TOP1MT: variants seen among roughly 807,000 people sequenced by gnomAD.
TOP1MT encodes the protein DNA topoisomerase I mitochondrial, also known as DNA topoisomerase I, mitochondrial.
In TOP1MT, 80 loss-of-function variants were observed where a neutral mutation model predicts 73.9. The observed-to-expected ratio is 1.08, with a 90% confidence interval of 0.90 to 1.30. TOP1MT has a LOEUF of 1.30. TOP1MT is among the 50% of genes most tolerant of loss of function. TOP1MT has a pLI of 0.00. For synonymous variants in TOP1MT, 338 were observed against 326.4 expected (o/e 1.04, Z -0.38); for missense variants, 815 against 808.0 (o/e 1.01, Z -0.10).
intron 2 of TOP1MT, among the ~76,000 whole-genome samples, chr8:143,340,461 T>C (rs1402897032): frequency 6.6e-6 from 1 of 152,146 alleles, no homozygotes; most frequent in Non-Finnish European, 1.5e-5. Context: ...GTGGCTTAGC[T>C]GCCTCCTGGC....
At chr8:143,332,587 A>T (rs1263323797) in intron 1 of TOP1MT, 1 of 1,288,706 alleles carries the variant, frequency 7.8e-7, no homozygotes, top group Non-Finnish European at 1.0e-6. Flanking sequence ...GAGCAACAGG[A>T]AGTCTCTGAA....
intron 1 of TOP1MT, among the ~76,000 whole-genome samples, chr8:143,353,963 C>CAAA (rs1186472770): frequency 0.015 from 713 of 47,596 alleles, 213 homozygotes; most frequent in African/African-American, 0.067. Context: ...GACTCCATCC[C>CAAA]AAAAAAAAAA....
intron 1 of TOP1MT, among the ~76,000 whole-genome samples, chr8:143,333,583 G>A (rs1816915433): frequency 6.6e-6 from 1 of 152,232 alleles, no homozygotes; most frequent in Non-Finnish European, 1.5e-5. Flanking sequence ...CAACCTGCCG[G>A]CCAGCGGCCA....
At chr8:143,325,056 A>C (rs1230884519) in intron 5 of TOP1MT, among the ~76,000 whole-genome samples, 1 of 152,160 alleles carries the variant, frequency 6.6e-6, no homozygotes, top group Non-Finnish European at 1.5e-5. Context: ...AAAACACCTA[A>C]TGCTACTGGG....
intron 12 of TOP1MT, among the ~76,000 whole-genome samples, chr8:143,313,726 G>GC (rs1816075199): frequency 1.3e-5 from 2 of 151,314 alleles, no homozygotes; most frequent in Non-Finnish European, 2.9e-5. Flanking sequence ...ATGGTGGCGG[G>GC]TGCCTGTAAT....
chr8:143,328,223 T>A, intron 3 of TOP1MT: 5 of 455,996 alleles, frequency 1.1e-5, no homozygotes, highest in South Asian at 7.8e-5. Flanking sequence ...ACGGCATAAC[T>A]AAGTTACAGT....
At chr8:143,347,303 C>T (rs766657563), upstream of TOP1MT, among the ~76,000 whole-genome samples, 71 of 152,264 alleles carry the variant, frequency 4.7e-4, no homozygotes, top group African/African-American at 7.5e-4. Context: ...TACAGGTGCC[C>T]GCCACCATGC....
chr8:143,322,938 GCACGCCACA>G lies in TOP1MT; in HGVS notation c.960+1052_960+1060del, dbSNP rs1563760500. ...CGCCACACACGCACGCCACACACAG[GCACGCCACA>G]CACGCCACACACGCACGCCACACAC... On this transcript the variant is annotated intron_variant, in intron 7 of 13. Coordinates refer to ENST00000329245, the MANE Select transcript of TOP1MT (RefSeq NM_052963.3). Among the ~76,000 whole-genome samples the G allele has an allele frequency of 8.5e-3, 510 of 59,986 alleles. 4 individuals are homozygous for G. The highest frequency in any genetic ancestry group is 0.011 in the Non-Finnish European group (357 of 31,472). The allele number at this position is 59,986 out of a possible 152,430, so 39.4% of individuals were successfully genotyped here. A position where few individuals can be genotyped will look rare whatever the true frequency, so the allele number is the denominator to read the frequency against.
intron 8 of TOP1MT, among the ~76,000 whole-genome samples, chr8:143,318,988 G>C: frequency 6.6e-6 from 1 of 152,168 alleles, no homozygotes. Flanking sequence ...ACTGCAAATG[G>C]CTGGCTAGTC....
chr8:143,353,046 C>T (rs1315681811), intron 1 of TOP1MT, among the ~76,000 whole-genome samples: 2 of 152,174 alleles, frequency 1.3e-5, no homozygotes, highest in Non-Finnish European at 2.9e-5. Flanking sequence ...AGACAATCCA[C>T]AGATAGGGGT....
chr8:143,328,851 C>T (rs550111831), intron 3 of TOP1MT, among the ~76,000 whole-genome samples: 65 of 152,308 alleles, frequency 4.3e-4, no homozygotes, highest in East Asian at 2.1e-3. Context: ...GCACAGAATC[C>T]GCGGCACACA....
chr8:143,320,804 TC>T (rs765546063), intron 8 of TOP1MT, among the ~76,000 whole-genome samples: 7 of 152,120 alleles, frequency 4.6e-5, no homozygotes, highest in Non-Finnish European at 8.8e-5. Flanking sequence ...AGGAGGATCC[TC>T]CCCGAGTGTG....
At chr8:143,329,240 A>C in intron 3 of TOP1MT, 110 bp downstream of exon 3, 1 of 1,279,786 alleles carries the variant, frequency 7.8e-7, no homozygotes, top group African/African-American at 1.5e-5. Context: ...GAGTGGTCAC[A>C]CAGGGGCCAC....
intron 7 of TOP1MT, among the ~76,000 whole-genome samples, chr8:143,322,563 A>ACAGG: frequency 7.8e-6 from 1 of 127,944 alleles, no homozygotes; most frequent in Admixed American, 7.9e-5. Context: ...CACGCCACAC[A>ACAGG]CAGACACGCC....
chr8:143,317,294 G>A (rs2129949845), intron 10 of TOP1MT, among the ~76,000 whole-genome samples: 1 of 152,318 alleles, frequency 6.6e-6, no homozygotes, highest in Non-Finnish European at 1.5e-5. Context: ...GGGACAAAGA[G>A]CAGAGGGCCC....
In TOP1MT at chr8:143,315,819, G is replaced by C; in HGVS notation, c.1461C>G (p.Ile487Met). The C allele has an allele frequency of 6.2e-7, 1 of 1,613,356 alleles. No individual in the cohort carries two copies. The highest frequency in any genetic ancestry group is 8.5e-7 in the Non-Finnish European group (1 of 1,179,968). ...CAGCCACCTGCTCCTTCTTTGCCTGGATCTGCAGGAAAAGGGTCCAGACAG... is the reference window on the plus strand; with the variant it reads ...CAGCCACCTGCTCCTTCTTTGCCTGCATCTGCAGGAAAAGGGTCCAGACAG... ...EKSMQNLQTK[I>M]QAKKEQVAEA... The change falls in exon 12 of 14, where the codon ATC becomes ATG. Residue 487 changes from isoleucine (I) to methionine (M), a missense_variant and splice_region_variant. Around this residue, in one of 3 missense-constraint regions of TOP1MT, gnomAD observed 751 missense variants for 725.4 expected, o/e 1.04. Transcript: ENST00000329245.
upstream of TOP1MT, among the ~76,000 whole-genome samples, chr8:143,357,218 A>G (rs555232438): frequency 1.3e-5 from 2 of 151,824 alleles, no homozygotes; most frequent in East Asian, 1.9e-4. Context: ...GCTGGGCAAC[A>G]TAGGGAGATA....
upstream of TOP1MT, among the ~76,000 whole-genome samples, chr8:143,346,741 G>T (rs1817226914): frequency 6.6e-6 from 1 of 152,164 alleles, no homozygotes; most frequent in Non-Finnish European, 1.5e-5. Flanking sequence ...GGCTGGGAAG[G>T]CCAAAATCAA....
chr8:143,322,653 A>C (rs763128766), intron 7 of TOP1MT, among the ~76,000 whole-genome samples: 1 of 65,464 alleles, frequency 1.5e-5, no homozygotes, highest in Non-Finnish European at 2.7e-5. Context: ...CCACACGCAC[A>C]CCACACACGC....
Sources: allele counts gnomAD v4.1 joint callset (sites outside exome capture counted in the v4.1 genomes callset), GRCh38; gene constraint gnomAD v4.1.1; regional missense constraint gnomAD v4.1.1; transcripts MANE v1.5; gene names NCBI Gene and HGNC (gene_info 2026-07-23, HGNC 2026-07-21).